Variants in CAB39 observed in about 807,000 individuals in gnomAD.
CAB39 encodes calcium binding protein 39, also known as calcium-binding protein 39.
Under a neutral mutation model 40.0 loss-of-function variants are expected in CAB39, and 8 were observed. That is an observed-to-expected ratio of 0.20 (90% confidence interval 0.12 to 0.36). CAB39 has a LOEUF of 0.36. CAB39 is among the 10% of genes least tolerant of loss of function. The pLI, the probability that CAB39 is intolerant of heterozygous loss-of-function variation, is 1.00. For missense variants in CAB39, 270 were observed against 401.1 expected (o/e 0.67, Z 2.79); for synonymous variants, 156 against 141.6 (o/e 1.10, Z -0.72).
At chr2:230,813,518 A>G (rs1327524442) in intron 6 of CAB39, among the ~76,000 whole-genome samples, 3 of 152,062 alleles carry the variant, frequency 2.0e-5, no homozygotes, top group Non-Finnish European at 2.9e-5. Context: ...GGTTAACACA[A>G]TGCTGAATTT....
chr2:230,744,698 A>G (rs6751037), intron 1 of CAB39, among the ~76,000 whole-genome samples: 54,887 of 152,234 alleles, frequency 0.36, 13,704 homozygotes, highest in African/African-American at 0.71. Context: ...GCTTGAAATA[A>G]TCTGTTGTGT....
In CAB39 at chr2:230,717,698, C is replaced by G. The variant is rs113479229; in HGVS notation, c.-44+4468C>G. Among the ~76,000 whole-genome samples the G allele has an allele frequency of 9.8e-3, 1,491 of 152,316 alleles. 24 individuals carry two copies. Among genetic ancestry groups the G allele is most frequent in the African/African-American group, 0.033 (1,376 of 41,572 alleles). ...GATCATAGACTGGTGGTGATGAAAT[C>G]AGGTTAACAGCTAGTTGCCATCTGC... On this transcript the variant is annotated intron_variant, in intron 1 of 8. Transcript: ENST00000258418.
At chr2:230,780,041 C>G (rs1238944727) in intron 2 of CAB39, among the ~76,000 whole-genome samples, 1 of 152,096 alleles carries the variant, frequency 6.6e-6, no homozygotes, top group Admixed American at 6.6e-5. Context: ...GGTCCAGTTC[C>G]CTTAATTATC....
chr2:230,754,950 A>G (rs1419085574), intron 1 of CAB39, among the ~76,000 whole-genome samples: 2 of 152,210 alleles, frequency 1.3e-5, no homozygotes, highest in Admixed American at 6.5e-5. Flanking sequence ...TTGGTTTTCC[A>G]TTCTTGAGTT....
intron 1 of CAB39, among the ~76,000 whole-genome samples, chr2:230,758,107 A>G (rs1695224764): frequency 6.6e-6 from 1 of 152,038 alleles, no homozygotes; most frequent in African/African-American, 2.4e-5. Flanking sequence ...AGACCAGCCT[A>G]GCCAACATGG....
intron 2 of CAB39, among the ~76,000 whole-genome samples, chr2:230,763,689 ATATT>A (rs1695334108): frequency 6.6e-6 from 1 of 152,228 alleles, no homozygotes; most frequent in Admixed American, 6.5e-5. Context: ...ATAATGTAAA[ATATT>A]TAATACCATG....
chr2:230,718,001 T>C (rs1010468513), intron 1 of CAB39, among the ~76,000 whole-genome samples: 4 of 152,238 alleles, frequency 2.6e-5, no homozygotes, highest in African/African-American at 4.8e-5. Context: ...ATAGCTTTTG[T>C]CTTGGTACTC....
At chr2:230,725,239 A>G in intron 1 of CAB39, 1 of 1,590,466 alleles carries the variant, frequency 6.3e-7, no homozygotes, top group East Asian at 2.2e-5. Flanking sequence ...AGAGGTCTTC[A>G]TCTTTCTTTA....
Position 230,788,419 on chromosome 2 carries a change from A to G in CAB39, c.115-2453A>G, listed in dbSNP as rs964830750. On this transcript the variant is annotated intron_variant, in intron 2 of 8. Coordinates refer to ENST00000258418, the MANE Select transcript of CAB39 (RefSeq NM_016289.4). The stretch of plus-strand genomic sequence containing the variant: ...ATTGTTGCCGTATTTTTTGTTCTAC[A>G]TATGTTATAACCCCAGAATACGTTG... Among the ~76,000 whole-genome samples, 3 of 152,196 alleles carry G rather than the reference A, an allele frequency of 2.0e-5. No individual in the cohort carries two copies. In the East Asian group the frequency reaches 5.8e-4, roughly 29 times the overall value.
chr2:230,812,923 T>C (rs1022284063), intron 6 of CAB39, among the ~76,000 whole-genome samples: 1 of 152,208 alleles, frequency 6.6e-6, no homozygotes, highest in Non-Finnish European at 1.5e-5. Context: ...AGAAAAACTT[T>C]TCACAAACAG....
intron 1 of CAB39, among the ~76,000 whole-genome samples, chr2:230,724,104 G>A (rs1694506305): frequency 6.6e-6 from 1 of 151,950 alleles, no homozygotes; most frequent in African/African-American, 2.4e-5. Flanking sequence ...AAAATTAGCT[G>A]AGTGTGGTGA....
chr2:230,733,796 G>A (rs1417008684), intron 1 of CAB39, among the ~76,000 whole-genome samples: 1 of 152,100 alleles, frequency 6.6e-6, no homozygotes, highest in Non-Finnish European at 1.5e-5. Context: ...GTTTCCAAGG[G>A]AAATACCAGG....
At chr2:230,772,487 GTT>G (rs35032723) in intron 2 of CAB39, among the ~76,000 whole-genome samples, 5 of 142,654 alleles carry the variant, frequency 3.5e-5, no homozygotes, top group Admixed American at 7.0e-5. Context: ...AGTTTGGCAG[GTT>G]TTTTTTTTTT....
At chr2:230,722,701 A>T (rs1365981023) in intron 1 of CAB39, among the ~76,000 whole-genome samples, 4 of 152,242 alleles carry the variant, frequency 2.6e-5, no homozygotes, top group Non-Finnish European at 4.4e-5. Flanking sequence ...AGTGTCCAAT[A>T]CATTTTAGCT....
At chr2:230,801,111 A>G (rs915940637) in intron 5 of CAB39, among the ~76,000 whole-genome samples, 2 of 152,192 alleles carry the variant, frequency 1.3e-5, no homozygotes, top group Non-Finnish European at 2.9e-5. Context: ...TCCTTATTGC[A>G]TGGAAAGGAA....
intron 1 of CAB39, among the ~76,000 whole-genome samples, chr2:230,754,294 C>T (rs79368770): frequency 2.0e-5 from 3 of 149,176 alleles, no homozygotes; most frequent in African/African-American, 7.4e-5. Context: ...TTTTTTCTTT[C>T]TTCTTTCTTC....
At chr2:230,713,395 G>T (rs1488063908) in intron 1 of CAB39, among the ~76,000 whole-genome samples, 165 bp downstream of exon 1, 1 of 152,166 alleles carries the variant, frequency 6.6e-6, no homozygotes, top group East Asian at 1.9e-4. Flanking sequence ...GGCCCAGCCT[G>T]CCCTCTCCGC....
At chr2:230,785,388 C>T (rs1269648274) in intron 2 of CAB39, among the ~76,000 whole-genome samples, 1 of 42,590 alleles carries the variant, frequency 2.3e-5, no homozygotes, top group Non-Finnish European at 4.5e-5. Flanking sequence ...GGCAGGGGGG[C>T]AGGGGGGCAG....
At chr2:230,728,525 G>A (rs1333395634) in intron 1 of CAB39, among the ~76,000 whole-genome samples, 8 of 152,034 alleles carry the variant, frequency 5.3e-5, no homozygotes, top group Non-Finnish European at 1.2e-4. Context: ...GGTCTTGAAC[G>A]CCTGAGCTCA....
Sources: allele counts gnomAD v4.1 joint callset (sites outside exome capture counted in the v4.1 genomes callset), GRCh38; gene constraint gnomAD v4.1.1; transcripts MANE v1.5; gene names NCBI Gene and HGNC (gene_info 2026-07-23, HGNC 2026-07-21).